PVALB: variants seen among roughly 807,000 people sequenced by gnomAD.
PVALB encodes the protein parvalbumin, also known as parvalbumin alpha.
Under a neutral mutation model 10.9 loss-of-function variants are expected in PVALB, and 11 were observed. The observed-to-expected ratio is 1.01, with a 90% CI of 0.63 to 1.67. The LOEUF (loss-of-function observed/expected upper bound fraction) is 1.67, where lower values mean the gene tolerates loss of function less well. Ranked by LOEUF, PVALB falls within the 40% of genes most tolerant of loss-of-function variation. The pLI is 0.00. For synonymous variants in PVALB, 57 were observed against 50.7 expected (o/e 1.12, Z -0.53); for missense variants, 131 against 136.2 (o/e 0.96, Z 0.19).
intron 1 of PVALB, among the ~76,000 whole-genome samples, chr22:36,815,799 T>G (rs1343099134): frequency 1.3e-5 from 2 of 151,704 alleles, no homozygotes; most frequent in Admixed American, 6.6e-5. Flanking sequence ...TCGGAGGCAG[T>G]GGGAAGGGGG....
upstream of PVALB, chr22:36,817,093 G>C (rs888150915): frequency 7.8e-7 from 1 of 1,276,912 alleles, no homozygotes; most frequent in Non-Finnish European, 1.1e-6. Flanking sequence ...CAGCGCTGCA[G>C]TGCTGCGCGC....
At chr22:36,814,455 C>T (rs1256086997) in intron 2 of PVALB, among the ~76,000 whole-genome samples, 1 of 152,154 alleles carries the variant, frequency 6.6e-6, no homozygotes, top group Non-Finnish European at 1.5e-5. Flanking sequence ...CCCCGCTTCT[C>T]TTTTTGACAA....
intron 3 of PVALB, among the ~76,000 whole-genome samples, chr22:36,805,135 G>A (rs1401127080): frequency 1.3e-5 from 2 of 152,170 alleles, no homozygotes; most frequent in South Asian, 2.1e-4. Flanking sequence ...TCTTATGAGT[G>A]AGTGTTGGGT....
upstream of PVALB, chr22:36,817,060 C>A (rs1337190038): frequency 9.2e-6 from 14 of 1,520,264 alleles, no homozygotes; most frequent in South Asian, 1.4e-4. Context: ...AAGTGCTTTT[C>A]TCATCATTTC....
upstream of PVALB, among the ~76,000 whole-genome samples, chr22:36,819,167 C>G (rs1939199194): frequency 6.6e-6 from 1 of 152,178 alleles, no homozygotes; most frequent in Non-Finnish European, 1.5e-5. Context: ...GACTCCAGCC[C>G]TCTCGTTCTA....
chr22:36,811,275 C>CTAAATAAA (rs72164769), intron 3 of PVALB, among the ~76,000 whole-genome samples: 43,835 of 147,842 alleles, frequency 0.3, 7,148 homozygotes, highest in East Asian at 0.55. Context: ...GAGACTGTCT[C>CTAAATAAA]TAAATAAATA....
At chr22:36,814,816 T>C (rs181703334) in intron 2 of PVALB, among the ~76,000 whole-genome samples, 31 of 152,352 alleles carry the variant, frequency 2.0e-4, no homozygotes, top group Non-Finnish European at 1.5e-4. Context: ...CCTCTTCATT[T>C]GCATTAAATT....
intron 1 of PVALB, 137 bp downstream of exon 1, chr22:36,816,808 C>G: frequency 1.5e-6 from 1 of 687,586 alleles, no homozygotes; most frequent in Non-Finnish European, 2.3e-6. Flanking sequence ...GCCCCCGCCC[C>G]GACCTCGCCG....
chr22:36,801,835 G>A (rs1053882127), intron 3 of PVALB, among the ~76,000 whole-genome samples: 1 of 152,124 alleles, frequency 6.6e-6, no homozygotes, highest in African/African-American at 2.4e-5. Flanking sequence ...AAAAGAAAAT[G>A]GAGTGTTGTG....
intron 1 of PVALB, 47 bp from the exon 2 acceptor site, chr22:36,815,282 G>A: frequency 6.2e-7 from 1 of 1,609,732 alleles, no homozygotes; most frequent in Non-Finnish European, 8.5e-7. Context: ...AAGGCTGGTA[G>A]GGAAGCCTGG....
Position 36,815,195 on chromosome 22 carries a change from G to T in PVALB, c.102C>A (p.Val34=). 1 of 1,614,152 alleles carries T rather than the reference G, an allele frequency of 6.2e-7. No homozygotes were observed. Among genetic ancestry groups the T allele is most frequent in the Non-Finnish European group, 8.5e-7 (1 of 1,180,012 alleles). ...SFDHKKFFQM[V]GLKKKSADDV... Reference sequence around the variant, plus strand: ...CATCCGCACTCTTTTTCTTCAGGCCGACCATTTGGAAGAACTTTTTGTGGT... The same window carrying T: ...CATCCGCACTCTTTTTCTTCAGGCCTACCATTTGGAAGAACTTTTTGTGGT... Residue 34 remains valine, a synonymous_variant, in exon 2 of 4, where the codon GTC becomes GTA. Coordinates refer to ENST00000417718, the MANE Select transcript of PVALB (RefSeq NM_001315532.2).
In PVALB at chr22:36,809,287, C is replaced by T. The variant is rs563028496; in HGVS notation, c.304+4359G>A. On this transcript the variant is annotated intron_variant, in intron 3 of 3. Transcript: ENST00000417718. The stretch of plus-strand genomic sequence containing the variant: ...TCATTCATTCATTCAACCAAATACA[C>T]TTTTCTTTTTCTCCCACTATGGGCC... Among the ~76,000 whole-genome samples the T allele has an allele frequency of 3.9e-5, 6 of 152,338 alleles. 1 individual carries two copies. The South Asian group carries it at 1.2e-3, about 32-fold the overall frequency.
chr22:36,800,836 C>G lies in PVALB; in HGVS notation c.*54G>C. ...AATGCAGGAGGGTGGCGAGAGGGGC[C>G]GAGATTGGGTGTTCAGGGCAGAGAG... On this transcript the variant is annotated 3_prime_UTR_variant, in exon 4 of 4. Transcript: ENST00000417718. 1 of 1,552,054 alleles carries G rather than the reference C, an allele frequency of 6.4e-7. No individual in the cohort carries two copies. The highest frequency in any genetic ancestry group is 1.4e-5 in the African/African-American group (1 of 73,592).
upstream of PVALB, chr22:36,817,080 G>C: frequency 7.0e-7 from 1 of 1,424,262 alleles, no homozygotes; most frequent in Non-Finnish European, 9.6e-7. Flanking sequence ...CTGCTCATAT[G>C]ACCAGCGCTG....
Position 36,816,935 on chromosome 22 carries a change from GCTTGCTCACCGCTAAAGGCTCCCA to G in PVALB, c.47_61+9del, listed in dbSNP as rs1441999740. The stretch of plus-strand genomic sequence containing the variant: ...GGGAGAGGGATGGGGAGGGGAGCGC[GCTTGCTCACCGCTAAAGGCTCCCA>G]CCGCCTTCTTGATGTCCTCAGCGTT... On this transcript the variant is annotated splice_donor_variant and splice_donor_5th_base_variant and coding_sequence_variant and intron_variant, in exon 1 of 4. Coordinates refer to ENST00000417718, the MANE Select transcript of PVALB (RefSeq NM_001315532.2). LOFTEE classifies it high-confidence loss of function. 1 of 1,599,574 alleles carries G rather than the reference GCTTGCTCACCGCTAAAGGCTCCCA, an allele frequency of 6.3e-7. No homozygotes were observed. The highest frequency in any genetic ancestry group is 1.4e-5 in the African/African-American group (1 of 73,812).
intron 3 of PVALB, chr22:36,811,480 C>T (rs1214881482): frequency 2.1e-6 from 1 of 470,950 alleles, no homozygotes; most frequent in Admixed American, 2.4e-5. Context: ...TTTACCTCTT[C>T]CATTGCCGGG....
At chr22:36,815,736 G>T (rs1043368345) in intron 1 of PVALB, among the ~76,000 whole-genome samples, 1 of 152,176 alleles carries the variant, frequency 6.6e-6, no homozygotes, top group African/African-American at 2.4e-5. Flanking sequence ...AGGTCATACA[G>T]TGGGAGGAGG....
chr22:36,802,102 G>A (rs964468810), intron 3 of PVALB, among the ~76,000 whole-genome samples: 1 of 152,148 alleles, frequency 6.6e-6, no homozygotes, highest in African/African-American at 2.4e-5. Flanking sequence ...GAATACAAAT[G>A]TAAAACCCCA....
chr22:36,808,127 T>G (rs1938987009), intron 3 of PVALB, among the ~76,000 whole-genome samples: 1 of 152,194 alleles, frequency 6.6e-6, no homozygotes, highest in Non-Finnish European at 1.5e-5. Context: ...CAGCAAGATA[T>G]TAGGAGTCAA....
Sources: gnomAD v4.1 joint callset for allele counts (sites outside exome capture counted in the v4.1 genomes callset) on GRCh38, gnomAD v4.1.1 for gene constraint, MANE v1.5 for transcripts, NCBI Gene and HGNC (gene_info 2026-07-23, HGNC 2026-07-21) for gene names.